EDEM3: variants seen among roughly 807,000 people sequenced by gnomAD.
EDEM3 encodes ER degradation enhancing alpha-mannosidase like protein 3, also known as ER degradation-enhancing alpha-mannosidase-like protein 3.
A neutral mutation model predicts 110.2 loss-of-function variants in EDEM3; 60 were observed. That is an observed-to-expected ratio of 0.54 (90% CI 0.44 to 0.67). The LOEUF is 0.67. EDEM3 is among the 30% of genes least tolerant of loss of function. The probability of loss-of-function intolerance (pLI) is 0.00; values close to 1 mark genes in which losing one functional copy is unlikely to be tolerated. For missense variants in EDEM3, 996 were observed against 1,121.0 expected (o/e 0.89, Z 1.59); for synonymous variants, 352 against 382.9 (o/e 0.92, Z 0.94).
intron 16 of EDEM3, among the ~76,000 whole-genome samples, chr1:184,709,306 G>C (rs1003737164): frequency 6.6e-6 from 1 of 152,078 alleles, no homozygotes; most frequent in Admixed American, 6.6e-5. Context: ...TTAGGAATCA[G>C]GATTCACATA....
At chr1:184,704,844 G>A (rs529809267) in intron 18 of EDEM3, among the ~76,000 whole-genome samples, 148 of 151,710 alleles carry the variant, frequency 9.8e-4, no homozygotes, top group African/African-American at 3.5e-3. Context: ...GAACACCTGA[G>A]GTCAGGCGTT....
At chr1:184,730,482 G>C (rs113178972) in intron 6 of EDEM3, among the ~76,000 whole-genome samples, 4 of 152,082 alleles carry the variant, frequency 2.6e-5, no homozygotes, top group African/African-American at 4.8e-5. Flanking sequence ...AGCTACTCAG[G>C]AGGCTGAGGT....
intron 2 of EDEM3, among the ~76,000 whole-genome samples, chr1:184,748,795 T>C (rs1652589223): frequency 6.6e-6 from 1 of 152,208 alleles, no homozygotes; most frequent in Non-Finnish European, 1.5e-5. Context: ...CTAAAGCTAG[T>C]CCTCTGCCAA....
Position 184,712,613 on chromosome 1 carries a change from C to A in EDEM3, c.1371-15G>T. The stretch of plus-strand genomic sequence containing the variant: ...AAGAATCCATTCTAAAATAAAAAGT[C>A]ACAAATAAATATAAGTAGATAAAAA... On this transcript the variant is annotated splice_polypyrimidine_tract_variant and intron_variant, in intron 13 of 19. Coordinates refer to ENST00000318130, the MANE Select transcript of EDEM3 (RefSeq NM_025191.4). The A allele has an allele frequency of 1.4e-6, 2 of 1,479,742 alleles. No individual in the cohort carries two copies. The highest frequency in any genetic ancestry group is 2.5e-5 in the South Asian group (2 of 78,812). The allele number at this position is 1,479,742 out of a possible 1,614,324, so 91.7% of individuals were successfully genotyped here.
chr1:184,724,321 T>G lies in EDEM3; in HGVS notation c.748-465A>C, dbSNP rs559323426. Among the ~76,000 whole-genome samples the G allele has an allele frequency of 7.2e-5, 11 of 152,284 alleles. No homozygotes were observed. In the South Asian group the frequency reaches 2.3e-3, roughly 32 times the overall value. On this transcript the variant is annotated intron_variant, in intron 7 of 19. Transcript: ENST00000318130. The stretch of plus-strand genomic sequence containing the variant: ...AATTTCAAAGGTAGTATGCTATCTT[T>G]GAAAGTCATTTCAGATCCTACTTTT...
At chr1:184,708,495 T>A (rs1650055778) in intron 16 of EDEM3, 151 bp from the exon 17 acceptor site, 2 of 684,690 alleles carry the variant, frequency 2.9e-6, no homozygotes, top group African/African-American at 3.8e-5. Flanking sequence ...TTATTTGTAC[T>A]CAAAAATAAT....
At chr1:184,754,011 T>A (rs1652936805) in intron 1 of EDEM3, among the ~76,000 whole-genome samples, 1 of 152,188 alleles carries the variant, frequency 6.6e-6, no homozygotes, top group African/African-American at 2.4e-5. Flanking sequence ...TAGTAAAATG[T>A]GTAAAGTTCA....
intron 19 of EDEM3, among the ~76,000 whole-genome samples, chr1:184,700,942 TCTATAA>T (rs1649587223): frequency 6.6e-6 from 1 of 152,034 alleles, no homozygotes; most frequent in African/African-American, 2.4e-5. Context: ...AAAAGATCAC[TCTATAA>T]CAATCACAGT....
intron 19 of EDEM3, among the ~76,000 whole-genome samples, chr1:184,697,069 C>A (rs985698622): frequency 6.6e-6 from 1 of 151,734 alleles, no homozygotes; most frequent in East Asian, 1.9e-4. Flanking sequence ...GGTAAGAAGA[C>A]TATGCAAATA....
intron 12 of EDEM3, 33 bp from the exon 13 acceptor site, chr1:184,717,045 AT>A: frequency 6.7e-7 from 1 of 1,489,646 alleles, no homozygotes; most frequent in Non-Finnish European, 9.2e-7. Flanking sequence ...TATAATATAT[AT>A]AGCTTATATA....
chr1:184,719,325 T>C (rs1650742649), intron 10 of EDEM3, 80 bp from the exon 11 acceptor site: 1 of 1,513,566 alleles, frequency 6.6e-7, no homozygotes, highest in Non-Finnish European at 8.9e-7. Context: ...CAGAAAAATG[T>C]ATACAAATAC....
At chr1:184,747,686 C>T (rs1158134948) in intron 2 of EDEM3, among the ~76,000 whole-genome samples, 2 of 152,180 alleles carry the variant, frequency 1.3e-5, no homozygotes, top group African/African-American at 4.8e-5. Flanking sequence ...TCTCTTAAAT[C>T]TTATTAAGTA....
chr1:184,703,564 T>A (rs1424347823), intron 18 of EDEM3, among the ~76,000 whole-genome samples: 2 of 152,232 alleles, frequency 1.3e-5, no homozygotes, highest in Non-Finnish European at 2.9e-5. Context: ...ACAGTATTGC[T>A]ATTTTGCATT....
intron 1 of EDEM3, among the ~76,000 whole-genome samples, chr1:184,753,036 G>C (rs1350827876): frequency 6.6e-6 from 1 of 152,142 alleles, no homozygotes; most frequent in Admixed American, 6.6e-5. Flanking sequence ...TTTGATGGTT[G>C]ATACTTCAGC....
intron 6 of EDEM3, among the ~76,000 whole-genome samples, chr1:184,727,480 T>A (rs1246410807): frequency 6.6e-6 from 1 of 152,190 alleles, no homozygotes; most frequent in African/African-American, 2.4e-5. Flanking sequence ...CAGTTATTAT[T>A]CAAACTCTAT....
At chr1:184,736,736 T>C (rs1394929051) in intron 4 of EDEM3, among the ~76,000 whole-genome samples, 1 of 152,180 alleles carries the variant, frequency 6.6e-6, no homozygotes, top group African/African-American at 2.4e-5. Context: ...GTTACTTTTT[T>C]CCAATAGCTT....
intron 19 of EDEM3, among the ~76,000 whole-genome samples, chr1:184,701,116 G>A (rs1170126358): frequency 6.6e-6 from 1 of 151,960 alleles, no homozygotes; most frequent in African/African-American, 2.4e-5. Flanking sequence ...AGCACATGCT[G>A]TACCATAATC....
chr1:184,705,369 G>A (rs534098613), intron 18 of EDEM3, among the ~76,000 whole-genome samples: 1 of 152,280 alleles, frequency 6.6e-6, no homozygotes, highest in South Asian at 2.1e-4. Context: ...TTCTGTAACT[G>A]GCTAGATGAT....
chr1:184,725,845 A>T (rs1217353626), intron 7 of EDEM3, among the ~76,000 whole-genome samples: 1 of 152,176 alleles, frequency 6.6e-6, no homozygotes, highest in Non-Finnish European at 1.5e-5. Flanking sequence ...TCAAGACTTA[A>T]GAACAAAAAT....
Sources: gnomAD v4.1 joint callset for allele counts (sites outside exome capture counted in the v4.1 genomes callset) on GRCh38, gnomAD v4.1.1 for gene constraint, MANE v1.5 for transcripts, NCBI Gene and HGNC (gene_info 2026-07-23, HGNC 2026-07-21) for gene names.